Variants in ZNF611 observed in about 807,000 individuals in gnomAD.
ZNF611 encodes the protein zinc finger protein 611.
Under a neutral mutation model 8.9 loss-of-function variants are expected in ZNF611, and 6 were observed. That is an observed-to-expected ratio of 0.68 (90% confidence interval 0.37 to 1.34). The LOEUF (loss-of-function observed/expected upper bound fraction) is 1.34, where lower values mean the gene tolerates loss of function less well. ZNF611 is among the 40% of genes most tolerant of loss of function. The pLI is 0.02. For synonymous variants in ZNF611, 262 were observed against 279.7 expected, an observed-to-expected ratio of 0.94 and a Z score of 0.63; for missense variants, 874 against 841.3, an observed-to-expected ratio of 1.04 and a Z score of -0.48.
rs2062241560 is a variant in ZNF611 at position 52,706,093 on chromosome 19, C to T, written c.962G>A (p.Gly321Asp). ...GGCTGAATTTTGACCAAAGATCTTGCCACACTCATTACAATTGTAACGTTT... is the reference window on the plus strand; with the variant it reads ...GGCTGAATTTTGACCAAAGATCTTGTCACACTCATTACAATTGTAACGTTT... ...GVKRYNCNEC[G>D]KIFGQNSALL... is the part of the protein sequence containing the mutation. Residue 321 changes from glycine to aspartate, a missense_variant, in exon 6 of 6, where the codon GGC becomes GAC. Gly to Asp is a moderately conservative substitution (Grantham distance 94). Coordinates refer to ENST00000652185, the MANE Select transcript of ZNF611 (RefSeq NM_001161499.2). 6.2e-7 allele frequency: 1 copy of T among 1,613,896 alleles called. No individual in the cohort carries two copies. Among genetic ancestry groups the T allele is most frequent in the Non-Finnish European group, 8.5e-7 (1 of 1,179,960 alleles).
At position 52,710,706 on chromosome 19, in the gene ZNF611, A is replaced by G. The variant is rs112881642; in HGVS notation, c.190+3309T>C. Reference sequence around the variant, plus strand: ...AACAGGACAGTGAAAAGAGTGAGACAGGAAAGGGGGCATCTCATCATCAAC... The same window carrying G: ...AACAGGACAGTGAAAAGAGTGAGACGGGAAAGGGGGCATCTCATCATCAAC... On this transcript the variant is annotated intron_variant, in intron 5 of 5. Transcript: ENST00000652185. Among the ~76,000 whole-genome samples the G allele has an allele frequency of 5.1e-3, 781 of 152,314 alleles. 3 individuals are homozygous for G. The highest frequency in any genetic ancestry group is 0.018 in the African/African-American group (734 of 41,576).
At chr19:52,725,363 G>A (rs1007425713) in intron 3 of ZNF611, among the ~76,000 whole-genome samples, 1 of 152,324 alleles carries the variant, frequency 6.6e-6, no homozygotes, top group Non-Finnish European at 1.5e-5. Context: ...GGGCCCCGGC[G>A]CTGCGCTCCA....
intron 2 of ZNF611, among the ~76,000 whole-genome samples, chr19:52,729,604 A>G (rs1017807688): frequency 6.6e-6 from 1 of 152,046 alleles, no homozygotes; most frequent in Admixed American, 6.6e-5. Flanking sequence ...CAGAACAGGC[A>G]CTTATTGAAA....
rs908647319 is a variant in ZNF611 at position 52,704,075 on chromosome 19, CT to C, written c.*861del. 1.3e-4 allele frequency: 31 copies of C among 243,178 alleles called. No individual in the cohort carries two copies. Among genetic ancestry groups the C allele is most frequent in the Middle Eastern group, 1.6e-3 (1 of 628 alleles). 15.1% of individuals were successfully genotyped at this position (243,178 alleles called of 1,614,324 possible). A position where few individuals can be genotyped will look rare whatever the true frequency, so the allele number is the denominator to read the frequency against. On this transcript the variant is annotated 3_prime_UTR_variant, in exon 6 of 6. Transcript: ENST00000652185. ...TTTCAAACTCCTGACCTCAAGTGACCTATGTGCCTTGGCCTCCCGACGTGCT... is the reference window on the plus strand; with the variant it reads ...TTTCAAACTCCTGACCTCAAGTGACCATGTGCCTTGGCCTCCCGACGTGCT...
At chr19:52,732,045 C>A (rs909539207) in intron 1 of ZNF611, among the ~76,000 whole-genome samples, 2 of 151,586 alleles carry the variant, frequency 1.3e-5, no homozygotes, top group Admixed American at 6.6e-5. Flanking sequence ...CTGAGGCGGG[C>A]GGATCACGAG....
chr19:52,709,086 T>C (rs1457441738), intron 5 of ZNF611, among the ~76,000 whole-genome samples: 1 of 152,156 alleles, frequency 6.6e-6, no homozygotes, highest in East Asian at 1.9e-4. Context: ...ATATGATGTA[T>C]GTTCCCTGGC....
At position 52,703,857 on chromosome 19, in the gene ZNF611, C is replaced by CTGGGA; in HGVS notation, c.*1075_*1079dup. 1 of 153,526 alleles carries CTGGGA rather than the reference C, an allele frequency of 6.5e-6. No homozygotes were observed. Among genetic ancestry groups the CTGGGA allele is most frequent in the Non-Finnish European group, 1.4e-5 (1 of 69,034 alleles). The allele number at this position is 153,526 out of a possible 1,614,324, so 9.5% of individuals were successfully genotyped here. On this transcript the variant is annotated 3_prime_UTR_variant, in exon 6 of 6. Coordinates refer to ENST00000652185, the MANE Select transcript of ZNF611 (RefSeq NM_001161499.2). Reference sequence around the variant, plus strand: ...CTGCCTGCCTCGGCCTCCCAAAGTGCTGGGATTATAGGCATGAGCCTCCGT... The same window carrying CTGGGA: ...CTGCCTGCCTCGGCCTCCCAAAGTGCTGGGATGGGATTATAGGCATGAGCCTCCGT...
chr19:52,714,544 C>T (rs1019953827), intron 4 of ZNF611, among the ~76,000 whole-genome samples: 12 of 151,258 alleles, frequency 7.9e-5, no homozygotes, highest in South Asian at 2.1e-4. Flanking sequence ...AAAAATTAGC[C>T]GGGCATGGTA....
chr19:52,708,456 C>T (rs1568601154), intron 5 of ZNF611: 1 of 152,240 alleles, frequency 6.6e-6, no homozygotes. Flanking sequence ...CCAGATCGCG[C>T]CACTGCACTC....
intron 1 of ZNF611, among the ~76,000 whole-genome samples, chr19:52,730,419 A>C (rs1270269053): frequency 4.9e-5 from 6 of 121,640 alleles, no homozygotes; most frequent in African/African-American, 1.6e-4. Context: ...AAAAAAAAAA[A>C]AAAAACATGA....
At chr19:52,712,790 T>C (rs1233566271) in intron 5 of ZNF611, among the ~76,000 whole-genome samples, 1 of 151,994 alleles carries the variant, frequency 6.6e-6, no homozygotes, top group Non-Finnish European at 1.5e-5. Context: ...CCAGCTGACA[T>C]TATTTATTAT....
At chr19:52,734,675 G>A (rs2062446856) in intron 1 of ZNF611, among the ~76,000 whole-genome samples, 1 of 152,226 alleles carries the variant, frequency 6.6e-6, no homozygotes, top group South Asian at 2.1e-4. Context: ...GCTGGGAGGC[G>A]CCCTGGGCAA....
At chr19:52,731,452 C>T (rs569994996) in intron 1 of ZNF611, among the ~76,000 whole-genome samples, 9 of 152,148 alleles carry the variant, frequency 5.9e-5, no homozygotes, top group Middle Eastern at 3.4e-3. Flanking sequence ...CTCACTGCAA[C>T]GTCTGCCTCC....
chr19:52,705,980 A>C lies in ZNF611; in HGVS notation c.1075T>G (p.Ser359Ala). ...TCTCCAGTATGAATTCTATGATGTG[A>C]AAGTTGTGATTGTTGATTAAAAGCC... The part of the protein sequence containing the change: ...DKAFNQQSQL[S>A]HHRIHTGEKP... The change falls in exon 6 of 6, where the codon TCA becomes GCA. Residue 359 changes from serine (S) to alanine (A), a missense_variant. Physicochemically the swap from Ser to Ala is moderately conservative, Grantham distance 99. Coordinates refer to ENST00000652185, the MANE Select transcript of ZNF611 (RefSeq NM_001161499.2). The C allele has an allele frequency of 6.2e-7, 1 of 1,614,114 alleles. No homozygotes were observed. The highest frequency in any genetic ancestry group is 1.1e-5 in the South Asian group (1 of 91,078).
At chr19:52,726,618 CTG>C (rs1198639283) in intron 3 of ZNF611, among the ~76,000 whole-genome samples, 2 of 151,570 alleles carry the variant, frequency 1.3e-5, no homozygotes, top group African/African-American at 4.8e-5. Flanking sequence ...AGGGGTTTCA[CTG>C]TGTTAGCCAG....
intron 2 of ZNF611, among the ~76,000 whole-genome samples, chr19:52,729,564 A>C (rs2062413283): frequency 6.6e-6 from 1 of 151,650 alleles, no homozygotes; most frequent in Non-Finnish European, 1.5e-5. Context: ...ATTTTTCTGA[A>C]TACCTGTCAT....
At chr19:52,731,704 C>T (rs1274543921) in intron 1 of ZNF611, among the ~76,000 whole-genome samples, 1 of 151,636 alleles carries the variant, frequency 6.6e-6, no homozygotes, top group Non-Finnish European at 1.5e-5. Context: ...GGCGTGGTGG[C>T]TTACGCCCGT....
At chr19:52,713,515 T>C (rs554218285) in intron 5 of ZNF611, among the ~76,000 whole-genome samples, 2 of 152,308 alleles carry the variant, frequency 1.3e-5, no homozygotes, top group East Asian at 3.9e-4. Context: ...CACCACTGAC[T>C]GCTGCTTAGA....
In ZNF611 at chr19:52,706,014, T is replaced by C; in HGVS notation, c.1041A>G (p.Glu347=). ...DTGENPYKCN[E]CDKAFNQQSQ... is the part of the protein sequence containing the mutation. The stretch of plus-strand genomic sequence containing the variant: ...ATTGTTGATTAAAAGCCTTGTCACA[T>C]TCATTACACTTGTAAGGATTTTCTC... The change falls in exon 6 of 6, where the codon GAA becomes GAG. Residue 347 remains glutamate (E), a synonymous_variant. Coordinates refer to ENST00000652185, the MANE Select transcript of ZNF611 (RefSeq NM_001161499.2). 1 of 1,614,180 alleles carries C rather than the reference T, an allele frequency of 6.2e-7. No homozygotes were observed.
Sources: allele counts gnomAD v4.1 joint callset (sites outside exome capture counted in the v4.1 genomes callset), GRCh38; gene constraint gnomAD v4.1.1; transcripts MANE v1.5; gene names NCBI Gene and HGNC (gene_info 2026-07-23, HGNC 2026-07-21).